The following ERICH1 variants were observed in gnomAD, a reference collection of about 807,000 sequenced individuals.
ERICH1 encodes the protein glutamate-rich protein 1.
In ERICH1, 56 loss-of-function variants were observed where a neutral mutation model predicts 39.6. That is an observed-to-expected ratio of 1.41 (90% CI 1.14 to 1.77). The LOEUF is 1.77. Among genes scored for constraint, ERICH1 ranks in the 40% most tolerant of loss-of-function variants. The pLI is 0.00. For synonymous variants in ERICH1, 313 were observed against 223.6 expected, an observed-to-expected ratio of 1.40 and a Z score of -3.57; for missense variants, 826 against 575.4, an observed-to-expected ratio of 1.44 and a Z score of -4.45.
chr8:729,356 T>A (rs1167310059), intron 1 of ERICH1, among the ~76,000 whole-genome samples: 1 of 152,104 alleles, frequency 6.6e-6, no homozygotes. Flanking sequence ...AAAACAGACA[T>A]CCCTGCAAGG....
rs1242783564 is a variant in ERICH1 at position 697,977 on chromosome 8, G to C, written c.170-5365C>G. Among the ~76,000 whole-genome samples the C allele has an allele frequency of 1.4e-4, 22 of 152,254 alleles. No individual in the cohort carries two copies. The East Asian group carries it at 4.1e-3, about 28-fold the overall frequency. On this transcript the variant is annotated intron_variant, in intron 2 of 5. Transcript: ENST00000262109. The stretch of plus-strand genomic sequence containing the variant: ...AGGGACACAAATCCCTGCGTCTGGG[G>C]CTGGGCCCAGGTTGGAGAGCTCACG...
intron 3 of ERICH1, among the ~76,000 whole-genome samples, chr8:631,442 T>C (rs577521566): frequency 2.0e-5 from 3 of 152,208 alleles, no homozygotes; most frequent in East Asian, 3.9e-4. Flanking sequence ...GATGGGGGGA[T>C]GTGCCCTGGG....
intron 1 of ERICH1, among the ~76,000 whole-genome samples, chr8:726,048 C>T (rs1818545988): frequency 1.3e-5 from 2 of 152,214 alleles, no homozygotes; most frequent in South Asian, 4.1e-4. Flanking sequence ...ACAGCAATGA[C>T]TCCTGTCCAG....
chr8:705,034 T>G (rs887904630), intron 2 of ERICH1, among the ~76,000 whole-genome samples: 7 of 152,268 alleles, frequency 4.6e-5, no homozygotes, highest in African/African-American at 1.7e-4. Context: ...ATTTTGGTTG[T>G]TGACAAATCA....
chr8:699,838 G>GCGCACAGACCCGCACAC (rs1491227926), intron 2 of ERICH1, among the ~76,000 whole-genome samples: 3 of 58,384 alleles, frequency 5.1e-5, no homozygotes, highest in Admixed American at 2.0e-4. Flanking sequence ...GACCCGCACA[G>GCGCACAGACCCGCACAC]GCGCACAGAC....
intron 1 of ERICH1, chr8:725,281 A>C (rs62484219): frequency 0.99 from 161,256 of 163,460 alleles, 79,582 homozygotes; most frequent in Middle Eastern, 1. Context: ...CTCCGTGTCT[A>C]CTGCACCCAG....
chr8:656,444 C>A (rs1475724378), intron 3 of ERICH1, among the ~76,000 whole-genome samples: 1 of 152,330 alleles, frequency 6.6e-6, no homozygotes, highest in African/African-American at 2.4e-5. Flanking sequence ...CTAATTCTGT[C>A]ATCTCTATGT....
At chr8:635,457 G>C (rs1798352477) in intron 3 of ERICH1, among the ~76,000 whole-genome samples, 2 of 152,204 alleles carry the variant, frequency 1.3e-5, no homozygotes, top group South Asian at 2.1e-4. Context: ...GGGCTGTCTA[G>C]GGCGTTCACC....
At chr8:655,852 G>C (rs1014195105) in intron 3 of ERICH1, among the ~76,000 whole-genome samples, 3 of 152,066 alleles carry the variant, frequency 2.0e-5, no homozygotes, top group African/African-American at 7.2e-5. Flanking sequence ...CGTTTTTCAT[G>C]ACACATCCTT....
intron 2 of ERICH1, among the ~76,000 whole-genome samples, chr8:702,916 C>T (rs896775233): frequency 6.6e-6 from 1 of 152,242 alleles, no homozygotes; most frequent in Admixed American, 6.5e-5. Flanking sequence ...CTACCCAGGA[C>T]AGGTACCCCG....
intron 2 of ERICH1, among the ~76,000 whole-genome samples, chr8:695,493 C>T (rs530066913): frequency 6.5e-5 from 9 of 137,542 alleles, no homozygotes; most frequent in African/African-American, 2.3e-4. Context: ...CTCCCTCCCT[C>T]TCCTCTCCTT....
At chr8:721,124 T>C (rs1203873440) in intron 1 of ERICH1, among the ~76,000 whole-genome samples, 1 of 152,232 alleles carries the variant, frequency 6.6e-6, no homozygotes, top group South Asian at 2.1e-4. Flanking sequence ...GGGAGATTTT[T>C]TCTTCAACAA....
intron 3 of ERICH1, among the ~76,000 whole-genome samples, chr8:623,637 AT>A (rs1477559067): frequency 1.3e-5 from 2 of 152,204 alleles, no homozygotes; most frequent in African/African-American, 2.4e-5. Context: ...CAGAATTACC[AT>A]TTTGTGTGCA....
intron 3 of ERICH1, among the ~76,000 whole-genome samples, chr8:624,082 G>C (rs1255923112): frequency 6.6e-6 from 1 of 152,108 alleles, no homozygotes; most frequent in Non-Finnish European, 1.5e-5. Flanking sequence ...GATTAGTGAA[G>C]GATTTGAATA....
intron 1 of ERICH1, among the ~76,000 whole-genome samples, chr8:726,591 TACAC>T (rs977325732): frequency 6.3e-5 from 9 of 142,396 alleles, no homozygotes; most frequent in South Asian, 2.2e-4. Context: ...CGCACACACA[TACAC>T]ACACAGGCAC....
At chr8:693,020 T>C (rs554375786) in intron 2 of ERICH1, among the ~76,000 whole-genome samples, 34 of 152,258 alleles carry the variant, frequency 2.2e-4, no homozygotes, top group African/African-American at 7.9e-4. Flanking sequence ...TGGGTCTTTT[T>C]CTCCACACGT....
intron 3 of ERICH1, among the ~76,000 whole-genome samples, chr8:644,175 C>G (rs1358410455): frequency 6.6e-6 from 1 of 152,120 alleles, no homozygotes; most frequent in African/African-American, 2.4e-5. Context: ...AGGCAAGTGC[C>G]TGGCCTCCTG....
At chr8:633,405 T>C (rs6995652) in intron 3 of ERICH1, among the ~76,000 whole-genome samples, 5,510 of 152,062 alleles carry the variant, frequency 0.036, 166 homozygotes, top group African/African-American at 0.077. Context: ...CATGGGTAAA[T>C]CTCAAAAACA....
intron 2 of ERICH1, among the ~76,000 whole-genome samples, chr8:695,427 G>C (rs1167527362): frequency 6.6e-6 from 1 of 152,132 alleles, no homozygotes; most frequent in African/African-American, 2.4e-5. Context: ...TCCTTACGCC[G>C]CTCACCTGGC....
Sources: allele counts gnomAD v4.1 joint callset (sites outside exome capture counted in the v4.1 genomes callset), GRCh38; gene constraint gnomAD v4.1.1; transcripts MANE v1.5; gene names NCBI Gene and HGNC (gene_info 2026-07-23, HGNC 2026-07-21).